The following PREPL variants were observed in gnomAD, a reference collection of about 807,000 sequenced individuals.
PREPL encodes the protein prolyl endopeptidase like.
PREPL carries 77 observed loss-of-function variants against 70.6 expected under a neutral mutation model. That is an observed-to-expected ratio of 1.09 (90% CI 0.91 to 1.32). The LOEUF (loss-of-function observed/expected upper bound fraction) is 1.32. Ranked by LOEUF, PREPL falls within the 40% of genes most tolerant of loss-of-function variation. The pLI is 0.00. For missense variants in PREPL, 1,002 were observed against 778.2 expected (o/e 1.29, Z -3.42); for synonymous variants, 315 against 264.8 (o/e 1.19, Z -1.84).
In PREPL at chr2:44,335,226, C is replaced by A. The variant is rs558023009; in HGVS notation, c.889-2570G>T. Among the ~76,000 whole-genome samples the A allele has an allele frequency of 2.6e-5, 4 of 152,134 alleles. No homozygotes were observed. In the South Asian group the frequency reaches 8.3e-4, roughly 32 times the overall value. On this transcript the variant is annotated intron_variant, in intron 7 of 13. Coordinates refer to ENST00000409411, the MANE Select transcript of PREPL (RefSeq NM_001171613.2). Reference sequence around the variant, plus strand: ...TGTTTGTTCCAGTGGAATTTAAAACCATGGAAACTGGGGCATATCTTTAAA... The same window carrying A: ...TGTTTGTTCCAGTGGAATTTAAAACAATGGAAACTGGGGCATATCTTTAAA...
chr2:44,326,133 C>G (rs1388160859), intron 10 of PREPL, among the ~76,000 whole-genome samples: 4 of 152,114 alleles, frequency 2.6e-5, no homozygotes, highest in African/African-American at 9.7e-5. Context: ...CTCATATATG[C>G]TTCAGTGCTT....
At chr2:44,359,161 T>C (rs368780143) in intron 1 of PREPL, among the ~76,000 whole-genome samples, 4 of 149,324 alleles carry the variant, frequency 2.7e-5, no homozygotes, top group Non-Finnish European at 4.4e-5. Flanking sequence ...CTCTGCCTCC[T>C]GGGTTCAAGA....
rs972293315 is a variant in PREPL, at chr2:44,344,661, G to A, written c.76-75C>T. On this transcript the variant is annotated intron_variant, in intron 2 of 13. Coordinates refer to ENST00000409411, the MANE Select transcript of PREPL (RefSeq NM_001171613.2). ...TCATAGTCTGACTATTCAAGATGAA[G>A]ATGAAATGAAGACTCTTATAAAAAA... The A allele has an allele frequency of 4.4e-6, 5 of 1,140,296 alleles. No homozygotes were observed. In the African/African-American group the frequency reaches 7.9e-5, roughly 18 times the overall value. The allele number at this position is 1,140,296 out of a possible 1,614,324, so 70.6% of individuals were successfully genotyped here.
In PREPL at chr2:44,329,072, T is replaced by G. The variant is rs769271684; in HGVS notation, c.1127A>C (p.Asp376Ala). 1.2e-6 allele frequency: 2 copies of G among 1,610,692 alleles called. No homozygotes were observed. The highest frequency in any genetic ancestry group is 1.7e-6 in the Non-Finnish European group (2 of 1,177,116). ...AGGTTTCTTCTGCAAGTCCTCAGAG[T>G]CAGTTTTGTGGAAAACAGTCATTGG... ...LVPMTVFHKTDSEDLQKKPLL... is the reference protein window; with the variant it reads ...LVPMTVFHKTASEDLQKKPLL... The change falls in exon 9 of 14, where the codon GAC (aspartate) becomes GCC (alanine). Residue 376 changes from aspartate to alanine, a missense_variant. Transcript: ENST00000409411.
chr2:44,349,692 C>G (rs948286095), intron 1 of PREPL, among the ~76,000 whole-genome samples: 1 of 151,980 alleles, frequency 6.6e-6, no homozygotes, highest in Non-Finnish European at 1.5e-5. Flanking sequence ...AGGCCGGGCG[C>G]GGTGGCTCAC....
chr2:44,318,558 T>TA lies in PREPL; in HGVS notation c.*2797dup, dbSNP rs1390809219. ...AGGTATTCAATAAAGTATAGAATGG[T>TA]AACATATCACCAACTGTGTAAAGAA... On this transcript the variant is annotated 3_prime_UTR_variant, in exon 14 of 14. Transcript: ENST00000409411. The TA allele has an allele frequency of 2.6e-5, 4 of 152,800 alleles. No homozygotes were observed. The highest frequency in any genetic ancestry group is 9.7e-5 in the African/African-American group (4 of 41,228). The allele number at this position is 152,800 out of a possible 1,614,324, so 9.5% of individuals were successfully genotyped here.
At chr2:44,354,170 C>CA (rs35222854) in intron 1 of PREPL, among the ~76,000 whole-genome samples, 2 of 151,614 alleles carry the variant, frequency 1.3e-5, no homozygotes, top group South Asian at 4.2e-4. Context: ...ACAACAACAA[C>CA]AAAAAAAGTA....
chr2:44,330,623 T>C (rs1273025083), intron 8 of PREPL, among the ~76,000 whole-genome samples: 1 of 152,094 alleles, frequency 6.6e-6, no homozygotes, highest in East Asian at 1.9e-4. Flanking sequence ...TATTAATATT[T>C]ACTTAAAGAT....
Position 44,361,491 on chromosome 2 carries a change from C to CA in PREPL, c.-161_-160insT. The CA allele has an allele frequency of 6.5e-6, 1 of 153,340 alleles. No homozygotes were observed. Among genetic ancestry groups the CA allele is most frequent in the South Asian group, 2.0e-4 (1 of 4,988 alleles). The allele number at this position is 153,340 out of a possible 1,614,324, so 9.5% of individuals were successfully genotyped here. A position where few individuals can be genotyped will look rare whatever the true frequency, so the allele number is the denominator to read the frequency against. ...CACCGCAGGCAAGTCCAGCCGAAGT[C>CA]TGCGTTCCGCAGCCCACAGAACGAC... On this transcript the variant is annotated 5_prime_UTR_variant, in exon 1 of 14. The change creates a new upstream start codon in the 5' untranslated region. Transcript: ENST00000409411.
chr2:44,359,987 C>T (rs1447831825), intron 1 of PREPL: 1 of 392,846 alleles, frequency 2.5e-6, no homozygotes, highest in Non-Finnish European at 4.6e-6. Context: ...TAAAGTTAAT[C>T]CTATCAGGCT....
Position 44,321,455 on chromosome 2 carries a change from A to G in PREPL, c.1828-10T>C. 1 of 1,609,350 alleles carries G rather than the reference A, an allele frequency of 6.2e-7. No homozygotes were observed. Among genetic ancestry groups the G allele is most frequent in the South Asian group, 1.1e-5 (1 of 90,752 alleles). ...TAATTTGGGCTGTAATCTAAAAGAAACACATTAAAAAAATTAAATAGAAGG... is the reference window on the plus strand; with the variant it reads ...TAATTTGGGCTGTAATCTAAAAGAAGCACATTAAAAAAATTAAATAGAAGG... On this transcript the variant is annotated splice_polypyrimidine_tract_variant and intron_variant, in intron 13 of 13. Coordinates refer to ENST00000409411, the MANE Select transcript of PREPL (RefSeq NM_001171613.2).
chr2:44,344,680 TA>T lies in PREPL; in HGVS notation c.76-95del, dbSNP rs1436606416. The T allele has an allele frequency of 4.5e-6, 4 of 889,556 alleles. No homozygotes were observed. In the African/African-American group the frequency reaches 6.9e-5, roughly 15 times the overall value. The allele number at this position is 889,556 out of a possible 1,614,324, so 55.1% of individuals were successfully genotyped here. ...GATGAAGATGAAATGAAGACTCTTATAAAAAACAGACCTGTTGAAGTATATG... is the reference window on the plus strand; with the variant it reads ...GATGAAGATGAAATGAAGACTCTTATAAAAACAGACCTGTTGAAGTATATG... On this transcript the variant is annotated intron_variant, in intron 2 of 13. Transcript: ENST00000409411.
intron 1 of PREPL, among the ~76,000 whole-genome samples, chr2:44,350,250 G>T (rs1248789136): frequency 2.0e-5 from 3 of 152,004 alleles, no homozygotes; most frequent in Non-Finnish European, 4.4e-5. Context: ...AACTTAATGT[G>T]ACCAAGAAGG....
In PREPL at chr2:44,339,374, A is replaced by AGG; in HGVS notation, c.486-12_486-11insCC. On this transcript the variant is annotated splice_polypyrimidine_tract_variant and intron_variant, in intron 5 of 13. Transcript: ENST00000409411. ...AGGAAAACAAAGTAGCTAGAGAGAG[A>AGG]GAGAGAGACATGAGATCACAGTTTA... The AGG allele has an allele frequency of 6.2e-7, 1 of 1,612,660 alleles. No individual in the cohort carries two copies. The highest frequency in any genetic ancestry group is 8.5e-7 in the Non-Finnish European group (1 of 1,179,498).
Position 44,320,008 on chromosome 2 carries a change from C to G in PREPL, c.*1348G>C. 1.7e-6 allele frequency: 1 copy of G among 590,046 alleles called. No individual in the cohort carries two copies. The highest frequency in any genetic ancestry group is 2.9e-5 in the East Asian group (1 of 34,734). 36.6% of individuals were successfully genotyped at this position (590,046 alleles called of 1,614,324 possible). ...TTGACTCCCAGACAAGCCGAAACCCCGAATTTGTCATTTCTATCAGTTTTT... is the reference window on the plus strand; with the variant it reads ...TTGACTCCCAGACAAGCCGAAACCCGGAATTTGTCATTTCTATCAGTTTTT... On this transcript the variant is annotated 3_prime_UTR_variant, in exon 14 of 14. Coordinates refer to ENST00000409411, the MANE Select transcript of PREPL (RefSeq NM_001171613.2).
chr2:44,329,088 CAGTCAT>C lies in PREPL; in HGVS notation c.1105_1110del (p.Met369_Thr370del). On this transcript the variant is annotated inframe_deletion, in exon 9 of 14. Coordinates refer to ENST00000409411, the MANE Select transcript of PREPL (RefSeq NM_001171613.2). ...TCCTCAGAGTCAGTTTTGTGGAAAA[CAGTCAT>C]TGGCACTAATTTTCCATCCTAGAAA... 6.2e-7 allele frequency: 1 copy of C among 1,604,014 alleles called. No individual in the cohort carries two copies. The highest frequency in any genetic ancestry group is 8.5e-7 in the Non-Finnish European group (1 of 1,171,856).
At chr2:44,341,997 A>G (rs1025832580) in intron 5 of PREPL, among the ~76,000 whole-genome samples, 3 of 152,130 alleles carry the variant, frequency 2.0e-5, no homozygotes, top group Non-Finnish European at 4.4e-5. Context: ...TTTAGTTTGA[A>G]AGAGAGATAC....
At chr2:44,355,665 T>C (rs1371909744) in intron 1 of PREPL, among the ~76,000 whole-genome samples, 1 of 151,890 alleles carries the variant, frequency 6.6e-6, no homozygotes, top group African/African-American at 2.4e-5. Context: ...AAAATGCAAA[T>C]CTGATTGCGC....
At chr2:44,327,539 G>A (rs1055862027) in intron 9 of PREPL, among the ~76,000 whole-genome samples, 6 of 152,116 alleles carry the variant, frequency 3.9e-5, no homozygotes, top group Non-Finnish European at 8.8e-5. Flanking sequence ...TAAGGGCAAG[G>A]AGGTGACAGA....
Sources: gnomAD v4.1 joint callset for allele counts (sites outside exome capture counted in the v4.1 genomes callset) on GRCh38, gnomAD v4.1.1 for gene constraint, MANE v1.5 for transcripts, NCBI Gene and HGNC (gene_info 2026-07-23, HGNC 2026-07-21) for gene names.